Variants in HELZ observed in about 807,000 individuals in gnomAD.
The protein encoded by HELZ is ATP-dependent RNA helicase with zinc finger domain.
A neutral mutation model predicts 218.2 loss-of-function variants in HELZ; 23 were observed. That is an observed-to-expected ratio of 0.11 (90% CI 0.08 to 0.15). The LOEUF (loss-of-function observed/expected upper bound fraction) is 0.15, where lower values mean the gene tolerates loss of function less well. HELZ is among the 10% of genes least tolerant of loss of function. The pLI is 1.00. For missense variants in HELZ, 1,813 were observed against 2,353.7 expected, an observed-to-expected ratio of 0.77 and a Z score of 4.75; for synonymous variants, 814 against 829.4, an observed-to-expected ratio of 0.98 and a Z score of 0.32.
Position 67,178,909 on chromosome 17 carries a change from G to C in HELZ, c.1180C>G (p.His394Asp). The C allele has an allele frequency of 6.2e-7, 1 of 1,604,060 alleles. No individual in the cohort carries two copies. Among genetic ancestry groups the C allele is most frequent in the Non-Finnish European group, 8.5e-7 (1 of 1,173,856 alleles). The change falls in exon 13 of 33, where the codon CAT becomes GAT. Residue 394 changes from histidine to aspartate, a missense_variant. This residue lies in a region of HELZ where 714 missense variants were observed against 1,029.2 expected (regional missense o/e 0.69). Transcript: ENST00000358691. ...GTGGTTACTAGCTGCTGTTTTGCAT[G>C]CATCAGGTATTCGAGATCTAAATGG... is the stretch of plus-strand genomic sequence containing the variant. ...ASTEDLEYLM[H>D]AKQQLVTTAK...
At chr17:67,173,362 ATC>A (rs1341621797) in intron 13 of HELZ, among the ~76,000 whole-genome samples, 1 of 152,184 alleles carries the variant, frequency 6.6e-6, no homozygotes, top group East Asian at 1.9e-4. Context: ...AAGAAAAACC[ATC>A]TTTCCATTGT....
intron 10 of HELZ, 59 bp from the exon 11 acceptor site, chr17:67,189,755 T>C: frequency 9.2e-7 from 1 of 1,089,200 alleles, no homozygotes; most frequent in East Asian, 2.4e-5. Flanking sequence ...AACAAAATCT[T>C]TTAGCATGGA....
intron 31 of HELZ, among the ~76,000 whole-genome samples, chr17:67,095,174 T>C (rs1448055636): frequency 6.6e-6 from 1 of 152,206 alleles, no homozygotes; most frequent in East Asian, 1.9e-4. Flanking sequence ...ATTTCAACAA[T>C]GTTCACAGCA....
At chr17:67,169,076 G>C (rs2039235617) in intron 13 of HELZ, among the ~76,000 whole-genome samples, 1 of 151,998 alleles carries the variant, frequency 6.6e-6, no homozygotes, top group African/African-American at 2.4e-5. Context: ...CTGGGCAACA[G>C]AGTGAGACTC....
intron 23 of HELZ, among the ~76,000 whole-genome samples, chr17:67,134,523 G>A (rs1380379537): frequency 6.6e-6 from 1 of 152,012 alleles, no homozygotes; most frequent in Non-Finnish European, 1.5e-5. Flanking sequence ...GACCCTTCAA[G>A]CTTTGTTTTT....
intron 31 of HELZ, among the ~76,000 whole-genome samples, chr17:67,091,525 C>T (rs1291112289): frequency 6.6e-6 from 1 of 152,030 alleles, no homozygotes; most frequent in Non-Finnish European, 1.5e-5. Context: ...TAAGCAACAA[C>T]CATCAACAGC....
At chr17:67,209,955 C>T (rs1438923846) in intron 5 of HELZ, among the ~76,000 whole-genome samples, 1 of 152,194 alleles carries the variant, frequency 6.6e-6, no homozygotes, top group Non-Finnish European at 1.5e-5. Flanking sequence ...GTAGCTCACA[C>T]CTGTAATCTC....
chr17:67,108,831 T>C lies in HELZ; in HGVS notation c.4490-105A>G. The C allele has an allele frequency of 1.1e-6, 1 of 946,050 alleles. No individual in the cohort carries two copies. The highest frequency in any genetic ancestry group is 1.5e-6 in the Non-Finnish European group (1 of 649,386). The allele number at this position is 946,050 out of a possible 1,614,324, so 58.6% of individuals were successfully genotyped here. On this transcript the variant is annotated intron_variant, in intron 29 of 32. Transcript: ENST00000358691. This position sits in a 1 kb window ranked among gnomAD's most constrained non-coding sequence, Gnocchi z 4.1. Reference sequence around the variant, plus strand: ...TCTCCACAAAGACAAAGGACGTAGCTACAAATTTGGTTTTGGTAAGAAGTA... The same window carrying C: ...TCTCCACAAAGACAAAGGACGTAGCCACAAATTTGGTTTTGGTAAGAAGTA...
Position 67,167,663 on chromosome 17 carries a change from A to T in HELZ, c.1564T>A (p.Leu522Met), listed in dbSNP as rs2039185948. 1 of 1,614,074 alleles carries T rather than the reference A, an allele frequency of 6.2e-7. No homozygotes were observed. ...KLTETLSEDT[L>M]AGRLVMTKVN... Reference sequence around the variant, plus strand: ...TTGGTCATCACCAGTCGTCCAGCCAAAGTATCTTCAGAAAGTGTTTCAGTA... The same window carrying T: ...TTGGTCATCACCAGTCGTCCAGCCATAGTATCTTCAGAAAGTGTTTCAGTA... Residue 522 changes from leucine (L) to methionine (M), a missense_variant, in exon 14 of 33, where the codon TTG becomes ATG. Leu to Met is a conservative substitution (Grantham distance 15). This residue lies in a region of HELZ where 714 missense variants were observed against 1,029.2 expected (regional missense o/e 0.69). Transcript: ENST00000358691.
At chr17:67,166,261 G>A (rs1046657897) in intron 15 of HELZ, among the ~76,000 whole-genome samples, 12 of 152,176 alleles carry the variant, frequency 7.9e-5, no homozygotes, top group Non-Finnish European at 1.6e-4. Flanking sequence ...AATTAAGGCT[G>A]TTGAGAAAAG....
chr17:67,191,104 A>G (rs542697688), intron 9 of HELZ, among the ~76,000 whole-genome samples: 5 of 152,206 alleles, frequency 3.3e-5, no homozygotes, highest in Admixed American at 6.5e-5. Context: ...CCTTAAAAAA[A>G]TTTTCTATAT....
rs117126492 is a variant in HELZ at position 67,194,439 on chromosome 17, C to T, written c.482-397G>A. 5.7e-3 allele frequency among the ~76,000 whole-genome samples: 869 copies of T among 152,308 alleles called. 5 individuals are homozygous for T. Among genetic ancestry groups the T allele is most frequent in the Non-Finnish European group, 7.3e-3 (495 of 68,026 alleles). On this transcript the variant is annotated intron_variant, in intron 8 of 32. Coordinates refer to ENST00000358691, the MANE Select transcript of HELZ (RefSeq NM_014877.4). ...CATTGTATCCTGGAAGGAAAGCTTA[C>T]ATAACAAATTCCACTACTGCACAGT... is the stretch of plus-strand genomic sequence containing the variant.
In HELZ at chr17:67,145,807, A is replaced by G; in HGVS notation, c.2705T>C (p.Phe902Ser). ...TACATCTTCTCCTCGTGCTGTAAAG[A>G]AAGTTAGTGGGTAGAAATCTTTGTG... ...PAHKDFYPLT[F>S]FTARGEDVQE... The change falls in exon 21 of 33, where the codon TTC (phenylalanine) becomes TCC (serine). Residue 902 changes from phenylalanine (F) to serine (S), a missense_variant. By Grantham distance (155) the Phe-to-Ser change is radical. Coordinates refer to ENST00000358691, the MANE Select transcript of HELZ (RefSeq NM_014877.4). 1 of 1,613,628 alleles carries G rather than the reference A, an allele frequency of 6.2e-7. No homozygotes were observed. Among genetic ancestry groups the G allele is most frequent in the Non-Finnish European group, 8.5e-7 (1 of 1,179,618 alleles).
At chr17:67,175,812 A>T (rs769009822) in intron 13 of HELZ, among the ~76,000 whole-genome samples, 10 of 152,236 alleles carry the variant, frequency 6.6e-5, no homozygotes, top group Non-Finnish European at 1.5e-4. Flanking sequence ...TATATCTTGA[A>T]GATCCTTCAA....
At chr17:67,202,488 G>A (rs988858375) in intron 6 of HELZ, among the ~76,000 whole-genome samples, 40 of 152,056 alleles carry the variant, frequency 2.6e-4, no homozygotes, top group Admixed American at 1.3e-4. Context: ...CAGCAATTCA[G>A]CAAGACTCCG....
At chr17:67,243,860 G>C (rs538984843) in intron 1 of HELZ, 21 bp from the exon 2 acceptor site, 2 of 311,044 alleles carry the variant, frequency 6.4e-6, no homozygotes, top group African/African-American at 2.3e-5. Context: ...TAGAAAAGAT[G>C]TTTCCATACA....
rs758742575 is a variant in HELZ, at chr17:67,218,651, T to C, written c.154A>G (p.Ile52Val). 1.9e-6 allele frequency: 3 copies of C among 1,614,210 alleles called. No homozygotes were observed. The South Asian group carries it at 3.3e-5, about 18-fold the overall frequency. ...ADFTGPCPLE[I>V]ERIKIESLLY... The stretch of plus-strand genomic sequence containing the variant: ...AGACTCTCGATTTTGATGCGTTCTA[T>C]TTCCAATGGACAAGGCCCTGTGAAG... Residue 52 changes from isoleucine (I) to valine (V), a missense_variant, in exon 4 of 33, where the codon ATA becomes GTA. This residue lies in a region of HELZ where 714 missense variants were observed against 1,029.2 expected (regional missense o/e 0.69). Coordinates refer to ENST00000358691, the MANE Select transcript of HELZ (RefSeq NM_014877.4).
intron 2 of HELZ, among the ~76,000 whole-genome samples, chr17:67,240,397 CT>C (rs1224610007): frequency 6.6e-6 from 1 of 152,002 alleles, no homozygotes; most frequent in Non-Finnish European, 1.5e-5. Context: ...AGAGGCTTTT[CT>C]TTTTTTTAAC....
intron 3 of HELZ, among the ~76,000 whole-genome samples, chr17:67,226,639 T>C (rs1172070311): frequency 1.3e-5 from 2 of 152,168 alleles, no homozygotes; most frequent in African/African-American, 4.8e-5. Flanking sequence ...GCAATCCCCT[T>C]CGCCCCTCAG....
Sources: gnomAD v4.1 joint callset for allele counts (sites outside exome capture counted in the v4.1 genomes callset) on GRCh38, gnomAD v4.1.1 for gene constraint, gnomAD v4.1.1 regional missense constraint, Gnocchi (gnomAD v3.1) non-coding constraint, MANE v1.5 for transcripts, NCBI Gene and HGNC (gene_info 2026-07-23, HGNC 2026-07-21) for gene names.